The following SMURF1 variants were observed in gnomAD, a reference collection of about 807,000 sequenced individuals.
SMURF1 encodes the protein E3 ubiquitin-protein ligase SMURF1.
Under a neutral mutation model 98.0 loss-of-function variants are expected in SMURF1, and 44 were observed. The observed-to-expected ratio is 0.45, with a 90% CI of 0.35 to 0.58. The LOEUF (loss-of-function observed/expected upper bound fraction) is 0.58. SMURF1 is among the 20% of genes least tolerant of loss of function. SMURF1 has a pLI of 0.00. For missense variants in SMURF1, 687 were observed against 938.4 expected, an observed-to-expected ratio of 0.73 and a Z score of 3.50; for synonymous variants, 396 against 374.9, an observed-to-expected ratio of 1.06 and a Z score of -0.65.
rs756177480 is a variant in SMURF1, at chr7:99,060,678, C to T, written c.124G>A (p.Val42Met). Residue 42 changes from valine to methionine, a missense_variant, in exon 3 of 18, where the codon GTG becomes ATG. Physicochemically the swap from Val to Met is conservative, Grantham distance 21 (BLOSUM62 1). Transcript: ENST00000361368. Reference protein sequence around the residue: ...RLPDPFAKIVVDGSGQCHSTD... With the variant: ...RLPDPFAKIVMDGSGQCHSTD... ...GAGTGGCACTGCCCAGACCCATCCA[C>T]GACAATCTTTGCAAAAGGGTCAGGG... 4.3e-6 allele frequency: 7 copies of T among 1,613,630 alleles called. No homozygotes were observed. The highest frequency in any genetic ancestry group is 1.7e-5 in the Admixed American group (1 of 59,958).
In SMURF1 at chr7:99,090,548, G is replaced by T. The variant is rs893200782; in HGVS notation, c.56-28711C>A. On this transcript the variant is annotated intron_variant, in intron 1 of 17. Transcript: ENST00000361368. ...CAGGGGGCAAGAAGAGAGAGAAAAT[G>T]TATTACATTTTAGGGGGCAAAATAA... 8.2e-4 allele frequency among the ~76,000 whole-genome samples: 125 copies of T among 152,100 alleles called. 1 individual carries two copies. Among genetic ancestry groups the T allele is most frequent in the Non-Finnish European group, 2.4e-4 (16 of 68,022 alleles).
chr7:99,078,524 C>T (rs536830833), intron 1 of SMURF1, among the ~76,000 whole-genome samples: 1 of 151,992 alleles, frequency 6.6e-6, no homozygotes, highest in East Asian at 1.9e-4. Context: ...GCACCCTCCT[C>T]CCCATCCCCC....
chr7:99,085,353 CAAAAAAA>C (rs992976220), intron 1 of SMURF1, among the ~76,000 whole-genome samples: 5 of 52,326 alleles, frequency 9.6e-5, no homozygotes, highest in South Asian at 6.5e-4. Flanking sequence ...AACTCCATCT[CAAAAAAA>C]AAAAAAAAAA....
rs562098593 is a variant in SMURF1, at chr7:99,052,891, G to A, written c.480-445C>T. Among the ~76,000 whole-genome samples the A allele has an allele frequency of 7.2e-5, 11 of 152,050 alleles. No homozygotes were observed. In the South Asian group the frequency reaches 8.3e-4, roughly 11 times the overall value. ...CCAGCCTGGCCAACATGATGAAACC[G>A]CATCTCTACTAAAAATACAAAAATT... is the stretch of plus-strand genomic sequence containing the variant. On this transcript the variant is annotated intron_variant, in intron 6 of 17. Transcript: ENST00000361368.
At chr7:99,051,688 T>C (rs555779970) in intron 7 of SMURF1, among the ~76,000 whole-genome samples, 1 of 152,272 alleles carries the variant, frequency 6.6e-6, no homozygotes, top group South Asian at 2.1e-4. Context: ...TGGTGTTCGT[T>C]TGCCTAAGAT....
At chr7:99,078,578 T>C (rs889002105) in intron 1 of SMURF1, among the ~76,000 whole-genome samples, 35 of 149,992 alleles carry the variant, frequency 2.3e-4, no homozygotes, top group African/African-American at 7.1e-4. Flanking sequence ...CAAGCGAAGC[T>C]TCATCTGTGT....
At chr7:99,139,312 G>T (rs1798061573) in intron 1 of SMURF1, among the ~76,000 whole-genome samples, 1 of 152,066 alleles carries the variant, frequency 6.6e-6, no homozygotes, top group African/African-American at 2.4e-5. Flanking sequence ...ATGCTATCAA[G>T]GAAAGTCTCT....
intron 6 of SMURF1, among the ~76,000 whole-genome samples, chr7:99,053,156 A>C (rs1318341193): frequency 6.6e-6 from 1 of 152,202 alleles, no homozygotes; most frequent in Admixed American, 6.6e-5. Context: ...GCCTTTAGAT[A>C]CTTTTTAAAC....
intron 3 of SMURF1, among the ~76,000 whole-genome samples, chr7:99,059,226 C>G (rs1229925684): frequency 6.6e-6 from 1 of 150,470 alleles, no homozygotes; most frequent in African/African-American, 2.4e-5. Context: ...GGTGAAACCC[C>G]GTCTCTACTA....
At chr7:99,063,231 TAA>T (rs1437658006) in intron 1 of SMURF1, among the ~76,000 whole-genome samples, 8 of 106,686 alleles carry the variant, frequency 7.5e-5, no homozygotes, top group African/African-American at 1.8e-4. Flanking sequence ...TATATATATA[TAA>T]GATTTATTTA....
At chr7:99,112,772 G>A (rs1463349787) in intron 1 of SMURF1, among the ~76,000 whole-genome samples, 1 of 152,108 alleles carries the variant, frequency 6.6e-6, no homozygotes, top group Non-Finnish European at 1.5e-5. Flanking sequence ...TGGAAACCAT[G>A]AGAACAGTGT....
At chr7:99,084,282 TG>T (rs1796631009) in intron 1 of SMURF1, among the ~76,000 whole-genome samples, 1 of 152,230 alleles carries the variant, frequency 6.6e-6, no homozygotes, top group Non-Finnish European at 1.5e-5. Flanking sequence ...ATTTATTAAT[TG>T]ATATTTATTT....
intron 1 of SMURF1, among the ~76,000 whole-genome samples, chr7:99,129,410 T>C (rs1202006912): frequency 3.3e-5 from 5 of 152,134 alleles, no homozygotes; most frequent in African/African-American, 7.2e-5. Context: ...TGTTATTATT[T>C]TAAGATGGTC....
chr7:99,093,510 C>T (rs1443553391), intron 1 of SMURF1, among the ~76,000 whole-genome samples: 2 of 151,844 alleles, frequency 1.3e-5, no homozygotes, highest in Non-Finnish European at 2.9e-5. Context: ...ACAAAGCAAC[C>T]ACTCTATAAT....
At chr7:99,040,317 A>G in intron 13 of SMURF1, 61 bp downstream of exon 13, 2 of 1,401,570 alleles carry the variant, frequency 1.4e-6, no homozygotes, top group Non-Finnish European at 1.9e-6. Flanking sequence ...GCACGCGCAT[A>G]CATACGATAG....
intron 1 of SMURF1, chr7:99,121,172 C>A (rs1367591702): frequency 7.0e-6 from 1 of 142,612 alleles, no homozygotes; most frequent in Non-Finnish European, 1.5e-5. Flanking sequence ...ACACCCTGCT[C>A]TTCCCAAATA....
intron 1 of SMURF1, among the ~76,000 whole-genome samples, chr7:99,094,088 G>A (rs948147731): frequency 1.3e-5 from 2 of 152,050 alleles, no homozygotes; most frequent in African/African-American, 2.4e-5. Flanking sequence ...ATTAAAGTCC[G>A]CTAATTGTTA....
In SMURF1 at chr7:99,033,019, C is replaced by T; in HGVS notation, c.2096+18G>A. The T allele has an allele frequency of 6.3e-7, 1 of 1,599,668 alleles. No individual in the cohort carries two copies. ...TGGGGCTCCCAGGACGCCGTGACTT[C>T]CTGGCCGCGGTGCTTACCAGGTATG... On this transcript the variant is annotated intron_variant, in intron 17 of 17. Coordinates refer to ENST00000361368, the MANE Select transcript of SMURF1 (RefSeq NM_181349.3).
rs780963715 is a variant in SMURF1, at chr7:99,143,722, G to T, written c.55+4C>A. ...GGCGCGGGTGGGCCTCCCGCCGGCC[G>T]TACCTGTCAGACGGATCTTGATGCT... is the stretch of plus-strand genomic sequence containing the variant. On this transcript the variant is annotated splice_donor_region_variant and intron_variant, in intron 1 of 17. Transcript: ENST00000361368. 3 of 1,555,698 alleles carry T rather than the reference G, an allele frequency of 1.9e-6. No individual in the cohort carries two copies. The highest frequency in any genetic ancestry group is 2.6e-6 in the Non-Finnish European group (3 of 1,153,856).
Sources: allele counts gnomAD v4.1 joint callset (sites outside exome capture counted in the v4.1 genomes callset), GRCh38; gene constraint gnomAD v4.1.1; transcripts MANE v1.5; gene names NCBI Gene and HGNC (gene_info 2026-07-23, HGNC 2026-07-21).